The following PRKDC variants were observed in gnomAD, a reference collection of about 807,000 sequenced individuals.
The protein encoded by PRKDC is DNA-dependent protein kinase catalytic subunit.
Under a neutral mutation model 486.9 loss-of-function variants are expected in PRKDC, and 82 were observed. The observed-to-expected ratio is 0.17, with a 90% CI of 0.14 to 0.20. PRKDC has a LOEUF of 0.20. Among genes scored for constraint, PRKDC ranks in the 10% least tolerant of loss-of-function variants. The pLI is 1.00. For synonymous variants in PRKDC, 1,895 were observed against 1,837.0 expected (o/e 1.03, Z -0.81); for missense variants, 4,504 against 5,038.2 (o/e 0.89, Z 3.21).
At chr8:47,899,444 T>C (rs8178079) in intron 28 of PRKDC, among the ~76,000 whole-genome samples, 22,166 of 151,980 alleles carry the variant, frequency 0.15, 2,576 homozygotes, top group African/African-American at 0.3. Flanking sequence ...TCAGGAGTTA[T>C]AGACCAGCCA....
chr8:47,918,750 C>T (rs1218725786), intron 21 of PRKDC, among the ~76,000 whole-genome samples: 1 of 152,108 alleles, frequency 6.6e-6, no homozygotes. Flanking sequence ...ACAAATCTTA[C>T]TAATACAGAT....
chr8:47,786,208 C>T (rs2154497665), intron 76 of PRKDC, among the ~76,000 whole-genome samples: 1 of 152,084 alleles, frequency 6.6e-6, no homozygotes, highest in South Asian at 2.1e-4. Context: ...GTCAGGAGCT[C>T]AAGACCAGCC....
intron 73 of PRKDC, among the ~76,000 whole-genome samples, chr8:47,796,420 A>G (rs547600731): frequency 1.3e-5 from 2 of 152,224 alleles, no homozygotes; most frequent in South Asian, 2.1e-4. Flanking sequence ...TAAATTTTCA[A>G]CTTACATTAT....
At chr8:47,805,348 T>C (rs536050583) in intron 69 of PRKDC, among the ~76,000 whole-genome samples, 1 of 152,322 alleles carries the variant, frequency 6.6e-6, no homozygotes, top group Non-Finnish European at 1.5e-5. Flanking sequence ...CGGTCTCTCC[T>C]TGTGGATTTG....
chr8:47,927,678 G>C, intron 20 of PRKDC, 93 bp downstream of exon 20: 2 of 1,379,588 alleles, frequency 1.4e-6, no homozygotes, highest in East Asian at 2.7e-5. Context: ...GGAAACGCCT[G>C]CTGGGACTGC....
At chr8:47,941,893 G>A (rs2090450923) in intron 10 of PRKDC, among the ~76,000 whole-genome samples, 1 of 152,240 alleles carries the variant, frequency 6.6e-6, no homozygotes, top group Admixed American at 6.5e-5. Flanking sequence ...AAGAATTGGA[G>A]TGGGGGACTG....
chr8:47,933,937 A>AT, intron 15 of PRKDC, 28 bp downstream of exon 15: 1 of 1,595,820 alleles, frequency 6.3e-7, no homozygotes, highest in Admixed American at 1.7e-5. Flanking sequence ...AGTAAGGTAC[A>AT]TTTATGGCTT....
rs1463177798 is a variant in PRKDC, at chr8:47,854,284, C to T, written c.6762-70G>A. 9 of 1,551,458 alleles carry T rather than the reference C, an allele frequency of 5.8e-6. No individual in the cohort carries two copies. The Admixed American group carries it at 1.4e-4, about 24-fold the overall frequency. On this transcript the variant is annotated intron_variant, in intron 50 of 85. Transcript: ENST00000314191. ...CAAGTAAGAAGCAGGAAGACAAATA[C>T]AGAATTTTATTTTTTTGAGACAGAG...
intron 35 of PRKDC, 119 bp from the exon 36 acceptor site, chr8:47,886,266 A>G (rs1419898319): frequency 1.4e-6 from 1 of 695,398 alleles, no homozygotes; most frequent in Non-Finnish European, 2.2e-6. Flanking sequence ...AAAGAGCCTG[A>G]TATGTGAAGC....
At chr8:47,807,453 CTG>C (rs907303424) in intron 68 of PRKDC, 127 bp from the exon 69 acceptor site, 4 of 794,148 alleles carry the variant, frequency 5.0e-6, no homozygotes, top group Non-Finnish European at 7.4e-6. Context: ...GAGTCTCACT[CTG>C]TTGCCCAGGC....
At chr8:47,776,036 G>T (rs974426833) in intron 85 of PRKDC, among the ~76,000 whole-genome samples, 2 of 151,918 alleles carry the variant, frequency 1.3e-5, no homozygotes. Flanking sequence ...GATGGCCAGG[G>T]TGGTCTCGAA....
At position 47,850,832 on chromosome 8, in the gene PRKDC, T is replaced by C. The variant is rs577409133; in HGVS notation, c.7006-1329A>G. ...TGACTTCTTTTTATTTTTTTTGAGA[T>C]GGAGTCTCACTCTGTCGCCCAGGCT... On this transcript the variant is annotated intron_variant, in intron 52 of 85. Coordinates refer to ENST00000314191, the MANE Select transcript of PRKDC (RefSeq NM_006904.7). Among the ~76,000 whole-genome samples, 16 of 152,284 alleles carry C rather than the reference T, an allele frequency of 1.1e-4. No individual in the cohort carries two copies. In the East Asian group the frequency reaches 2.7e-3, roughly 26 times the overall value.
rs779260921 is a variant in PRKDC, at chr8:47,820,827, C to T, written c.9228G>A (p.Ala3076=). Residue 3076 remains alanine, a synonymous_variant, in exon 66 of 86, where the codon GCG becomes GCA. Transcript: ENST00000314191. ...CTTGACTGTAATGAAGCTCTAGAAT[C>T]GCCTTCTGGAGCTCCCCGTGCATAG... ...DKAMHGELQK[A]ILELHYSQEL... The T allele has an allele frequency of 5.6e-6, 9 of 1,613,202 alleles. No homozygotes were observed. Among genetic ancestry groups the T allele is most frequent in the African/African-American group, 5.3e-5 (4 of 74,856 alleles).
intron 7 of PRKDC, among the ~76,000 whole-genome samples, chr8:47,952,438 G>T (rs1310900263): frequency 6.6e-6 from 1 of 152,234 alleles, no homozygotes; most frequent in African/African-American, 2.4e-5. Context: ...CAGATGAAGG[G>T]TTATCAGGTG....
chr8:47,819,089 C>T (rs965152364), intron 67 of PRKDC, among the ~76,000 whole-genome samples: 1 of 152,212 alleles, frequency 6.6e-6, no homozygotes, highest in Admixed American at 6.5e-5. Flanking sequence ...GAGTCCTGCA[C>T]CCTCTCAGGC....
rs373893040 is a variant in PRKDC at position 47,854,229 on chromosome 8, C to T, written c.6762-15G>A. On this transcript the variant is annotated splice_polypyrimidine_tract_variant and intron_variant, in intron 50 of 85. Transcript: ENST00000314191. ...CAAATATTAACCTGAAACATAAGCA[C>T]AAAGGAGAAAATTGAGACTGTTGCA... 6.3e-5 allele frequency: 102 copies of T among 1,610,828 alleles called. 1 individual carries two copies. The highest frequency in any genetic ancestry group is 3.3e-4 in the Middle Eastern group (2 of 6,046).
rs1391880453 is a variant in PRKDC at position 47,823,930 on chromosome 8, C to T, written c.8850G>A (p.Lys2950=). 6 of 1,613,720 alleles carry T rather than the reference C, an allele frequency of 3.7e-6. No individual in the cohort carries two copies. Among genetic ancestry groups the T allele is most frequent in the Admixed American group, 1.7e-5 (1 of 60,000 alleles). Residue 2950 remains lysine, a synonymous_variant, in exon 64 of 86, where the codon AAG becomes AAA. Transcript: ENST00000314191. ...RGIFTSEIGT[K]QITQSALLAE... ...CTAATAATGCACTCTGAGTGATTTG[C>T]TTTGTTCCTATCTCACTGGTAAAAA...
chr8:47,955,979 A>G lies in PRKDC; in HGVS notation c.325-31T>C, dbSNP rs751471265. Reference sequence around the variant, plus strand: ...TTTTAAAAAAAAAATAACCAAAATCATCAATAAGATATAAAAACTAAGACT... The same window carrying G: ...TTTTAAAAAAAAAATAACCAAAATCGTCAATAAGATATAAAAACTAAGACT... On this transcript the variant is annotated intron_variant, in intron 3 of 85. Transcript: ENST00000314191. The G allele has an allele frequency of 4.1e-6, 6 of 1,451,536 alleles. No individual in the cohort carries two copies. The South Asian group carries it at 7.6e-5, about 18-fold the overall frequency. 89.9% of individuals were successfully genotyped at this position (1,451,536 alleles called of 1,614,324 possible). A position where few individuals can be genotyped will look rare whatever the true frequency, so the allele number is the denominator to read the frequency against.
rs542586574 is a variant in PRKDC at position 47,914,038 on chromosome 8, T to A, written c.2644A>T (p.Ser882Cys). The A allele has an allele frequency of 6.4e-7, 1 of 1,558,166 alleles. No homozygotes were observed. Among genetic ancestry groups the A allele is most frequent in the African/African-American group, 1.4e-5 (1 of 72,876 alleles). ...TVTSSDEMMKSYVAWDREKRL... is the reference protein window; with the variant it reads ...TVTSSDEMMKCYVAWDREKRL... ...TTCTCTCTGTCCCAGGCCACATAGC[T>A]CTTCATCATCTCATCTGAGGACGTG... The change falls in exon 24 of 86, where the codon AGC (serine) becomes TGC (cysteine). Residue 882 changes from serine (S) to cysteine (C), a missense_variant. This residue lies in a region of PRKDC where 1,969 missense variants were observed against 2,068.9 expected (regional missense o/e 0.95). Transcript: ENST00000314191.
Sources: allele counts gnomAD v4.1 joint callset (sites outside exome capture counted in the v4.1 genomes callset), GRCh38; gene constraint gnomAD v4.1.1; regional missense constraint gnomAD v4.1.1; transcripts MANE v1.5; gene names NCBI Gene and HGNC (gene_info 2026-07-23, HGNC 2026-07-21).